CACNA2D3: variants seen among roughly 807,000 people sequenced by gnomAD.
The protein encoded by CACNA2D3 is voltage-dependent calcium channel subunit alpha-2/delta-3.
In CACNA2D3, 60 loss-of-function variants were observed where a neutral mutation model predicts 160.6. The ratio of observed to expected loss-of-function variants is 0.37; its 90% CI spans 0.30 to 0.46. The LOEUF is 0.46. CACNA2D3 is among the 20% of genes least tolerant of loss of function. The pLI is 1.00. For missense variants in CACNA2D3, 1,205 were observed against 1,365.0 expected, an observed-to-expected ratio of 0.88 and a Z score of 1.85; for synonymous variants, 558 against 492.9, an observed-to-expected ratio of 1.13 and a Z score of -1.75.
At chr3:54,849,425 A>G (rs1699008569) in intron 17 of CACNA2D3, among the ~76,000 whole-genome samples, 1 of 152,144 alleles carries the variant, frequency 6.6e-6, no homozygotes, top group Admixed American at 6.5e-5. Context: ...CAGAGCAGGG[A>G]CTCAGTAGAT....
intron 17 of CACNA2D3, 130 bp from the exon 18 acceptor site, chr3:54,871,409 G>A: frequency 1.6e-6 from 1 of 619,714 alleles, no homozygotes; most frequent in Non-Finnish European, 2.8e-6. Flanking sequence ...CACCCTGCTG[G>A]GCTTCTCACC....
At chr3:54,129,632 G>C (rs1699666867) in intron 2 of CACNA2D3, among the ~76,000 whole-genome samples, 1 of 152,186 alleles carries the variant, frequency 6.6e-6, no homozygotes, top group African/African-American at 2.4e-5. Flanking sequence ...CTTGGCACCT[G>C]TTAATGGAAA....
intron 11 of CACNA2D3, among the ~76,000 whole-genome samples, chr3:54,664,686 A>C (rs1700031800): frequency 6.6e-6 from 1 of 152,232 alleles, no homozygotes; most frequent in Non-Finnish European, 1.5e-5. Flanking sequence ...GGCAGGTGCC[A>C]AGGCCATTTC....
At chr3:54,747,687 G>T (rs1245567534) in intron 11 of CACNA2D3, among the ~76,000 whole-genome samples, 1 of 152,026 alleles carries the variant, frequency 6.6e-6, no homozygotes, top group Non-Finnish European at 1.5e-5. Flanking sequence ...ATTAACACGA[G>T]CCCCTTCAAT....
At chr3:54,636,981 G>A (rs1699388159) in intron 10 of CACNA2D3, among the ~76,000 whole-genome samples, 1 of 152,078 alleles carries the variant, frequency 6.6e-6, no homozygotes, top group African/African-American at 2.4e-5. Context: ...TTGAGTTCTA[G>A]AACAGACTAA....
chr3:54,428,375 A>C (rs924865489), intron 4 of CACNA2D3, among the ~76,000 whole-genome samples: 4 of 152,178 alleles, frequency 2.6e-5, no homozygotes, highest in African/African-American at 9.7e-5. Context: ...TTTTTTCTGC[A>C]AACAATAAAT....
chr3:54,231,979 T>C (rs1701777420), intron 2 of CACNA2D3, among the ~76,000 whole-genome samples: 1 of 152,236 alleles, frequency 6.6e-6, no homozygotes, highest in Non-Finnish European at 1.5e-5. Flanking sequence ...ATGGCTTGGC[T>C]CAGCCCCCGA....
intron 17 of CACNA2D3, among the ~76,000 whole-genome samples, chr3:54,866,250 A>G (rs952937088): frequency 6.6e-6 from 1 of 152,206 alleles, no homozygotes; most frequent in South Asian, 2.1e-4. Context: ...GAGTGAAGGA[A>G]TGAAGTGCCC....
At chr3:54,337,767 C>T (rs1704418543) in intron 3 of CACNA2D3, among the ~76,000 whole-genome samples, 1 of 152,212 alleles carries the variant, frequency 6.6e-6, no homozygotes, top group Non-Finnish European at 1.5e-5. Context: ...CTTCACCCTC[C>T]TTTCTTCCAA....
At chr3:54,457,892 A>G (rs373369675) in intron 4 of CACNA2D3, among the ~76,000 whole-genome samples, 6 of 152,084 alleles carry the variant, frequency 3.9e-5, no homozygotes, top group East Asian at 3.8e-4. Flanking sequence ...ATATGTAAGT[A>G]TAGGTACTCC....
At chr3:54,880,922 C>T in intron 21 of CACNA2D3, 59 bp downstream of exon 21, 1 of 1,444,138 alleles carries the variant, frequency 6.9e-7, no homozygotes, top group South Asian at 1.1e-5. Flanking sequence ...CGGGAGCTAG[C>T]TACTGAGTTA....
At chr3:54,399,230 T>G (rs1473251700) in intron 4 of CACNA2D3, among the ~76,000 whole-genome samples, 10 of 2,480 alleles carry the variant, frequency 4.0e-3, no homozygotes, top group Non-Finnish European at 7.9e-3. Context: ...TAAATTTTTT[T>G]CAAAGTTTTC....
chr3:54,434,133 A>G (rs1700028240), intron 4 of CACNA2D3, among the ~76,000 whole-genome samples: 1 of 152,190 alleles, frequency 6.6e-6, no homozygotes, highest in Non-Finnish European at 1.5e-5. Flanking sequence ...CCCCTGTCAG[A>G]GTACTGTCAG....
intron 11 of CACNA2D3, among the ~76,000 whole-genome samples, chr3:54,713,185 T>C (rs1452378693): frequency 6.6e-6 from 1 of 152,226 alleles, no homozygotes; most frequent in Non-Finnish European, 1.5e-5. Context: ...TTGGGAGTTC[T>C]GTCTTGAGGA....
intron 12 of CACNA2D3, among the ~76,000 whole-genome samples, chr3:54,758,062 T>C (rs900759526): frequency 1.3e-5 from 2 of 152,198 alleles, no homozygotes; most frequent in Non-Finnish European, 2.9e-5. Context: ...CTGGGATTTA[T>C]GCCCAGCCTG....
intron 17 of CACNA2D3, among the ~76,000 whole-genome samples, chr3:54,850,829 G>T (rs1364250534): frequency 6.6e-6 from 1 of 152,240 alleles, no homozygotes; most frequent in Non-Finnish European, 1.5e-5. Context: ...GAGGAAGGAT[G>T]CTGTAGGGTT....
At chr3:54,989,248 C>T (rs545075916) in intron 31 of CACNA2D3, among the ~76,000 whole-genome samples, 14 of 152,084 alleles carry the variant, frequency 9.2e-5, no homozygotes, top group Non-Finnish European at 1.6e-4. Context: ...TTTTCCTCTC[C>T]CTCTTGGATA....
chr3:54,879,430 C>A lies in CACNA2D3; in HGVS notation c.1844+19C>A. On this transcript the variant is annotated intron_variant, in intron 20 of 37. Coordinates refer to ENST00000474759, the MANE Select transcript of CACNA2D3 (RefSeq NM_018398.3). ...CTTTCAGGTAGAGCTGACCATAATACATGGACATTCCATCAGACCCATCAG... is the reference window on the plus strand; with the variant it reads ...CTTTCAGGTAGAGCTGACCATAATAAATGGACATTCCATCAGACCCATCAG... 1 of 1,543,622 alleles carries A rather than the reference C, an allele frequency of 6.5e-7. No homozygotes were observed. Among genetic ancestry groups the A allele is most frequent in the Non-Finnish European group, 8.9e-7 (1 of 1,120,898 alleles).
chr3:54,944,728 G>A (rs976963627), intron 27 of CACNA2D3, among the ~76,000 whole-genome samples: 1 of 152,046 alleles, frequency 6.6e-6, no homozygotes. Context: ...GCCTCCAAGA[G>A]TTATTTTTTA....
Sources: allele counts gnomAD v4.1 joint callset (sites outside exome capture counted in the v4.1 genomes callset), GRCh38; gene constraint gnomAD v4.1.1; transcripts MANE v1.5; gene names NCBI Gene and HGNC (gene_info 2026-07-23, HGNC 2026-07-21).